Variants in CAPN5 observed in about 807,000 individuals in gnomAD.
The protein encoded by CAPN5 is calpain-5.
Under a neutral mutation model 73.0 loss-of-function variants are expected in CAPN5, and 54 were observed. The observed-to-expected ratio is 0.74, with a 90% confidence interval of 0.59 to 0.93. The LOEUF is 0.93. CAPN5 is among the 40% of genes least tolerant of loss of function. CAPN5 has a pLI of 0.00. For synonymous variants in CAPN5, 335 were observed against 356.9 expected, an observed-to-expected ratio of 0.94 and a Z score of 0.69; for missense variants, 785 against 882.9, an observed-to-expected ratio of 0.89 and a Z score of 1.41.
intron 5 of CAPN5, 78 bp downstream of exon 5, chr11:77,114,512 C>T: frequency 7.5e-7 from 1 of 1,339,498 alleles, no homozygotes; most frequent in Non-Finnish European, 1.1e-6. Flanking sequence ...CTGTGACATC[C>T]CACGCTCAGG....
chr11:77,125,018 G>C lies in CAPN5; in HGVS notation c.*1148G>C, dbSNP rs1228901429. On this transcript the variant is annotated 3_prime_UTR_variant, in exon 13 of 13. Coordinates refer to ENST00000648180, the MANE Select transcript of CAPN5 (RefSeq NM_004055.5). Reference sequence around the variant, plus strand: ...TTGAAAATCTCAATTTTAATCAGGGGTTTTAAAAGAAAATTGAAAGCCTGA... The same window carrying C: ...TTGAAAATCTCAATTTTAATCAGGGCTTTTAAAAGAAAATTGAAAGCCTGA... 6.6e-6 allele frequency: 1 copy of C among 152,196 alleles called. No homozygotes were observed. The highest frequency in any genetic ancestry group is 1.5e-5 in the Non-Finnish European group (1 of 68,022). 9.4% of individuals were successfully genotyped at this position (152,196 alleles called of 1,614,324 possible). A position where few individuals can be genotyped will look rare whatever the true frequency, so the allele number is the denominator to read the frequency against.
chr11:77,095,138 G>T (rs1008291837), intron 3 of CAPN5, among the ~76,000 whole-genome samples: 1 of 152,214 alleles, frequency 6.6e-6, no homozygotes, highest in African/African-American at 2.4e-5. Context: ...GTGGATGTGG[G>T]TATTCGAGGG....
At chr11:77,118,438 T>G in intron 8 of CAPN5, 86 bp downstream of exon 8, 2 of 1,182,100 alleles carry the variant, frequency 1.7e-6, no homozygotes, top group Admixed American at 2.3e-5. Flanking sequence ...CTGCATGACC[T>G]TGGGTAATCC....
At chr11:77,120,965 C>T (rs2276031) in intron 10 of CAPN5, 56 bp downstream of exon 10, 129,613 of 1,511,118 alleles carry the variant, frequency 0.086, 7,646 homozygotes, top group African/African-American at 0.26. Flanking sequence ...CACACTGGGC[C>T]AACCAGGAAC....
intron 3 of CAPN5, among the ~76,000 whole-genome samples, chr11:77,101,039 C>G (rs1306417339): frequency 6.6e-6 from 1 of 152,250 alleles, no homozygotes. Flanking sequence ...GTACTGTCTC[C>G]CCACCTGCCC....
At chr11:77,089,083 T>C (rs1251344348) in intron 2 of CAPN5, among the ~76,000 whole-genome samples, 1 of 152,108 alleles carries the variant, frequency 6.6e-6, no homozygotes, top group Non-Finnish European at 1.5e-5. Context: ...AGCCTAGAAG[T>C]GGGCAAAGTC....
At chr11:77,094,744 G>A (rs1395808602) in intron 3 of CAPN5, among the ~76,000 whole-genome samples, 3 of 152,234 alleles carry the variant, frequency 2.0e-5, no homozygotes, top group African/African-American at 7.2e-5. Context: ...GACAATCGGA[G>A]TAGCTGTCTC....
chr11:77,083,728 G>T (rs1431917220), intron 1 of CAPN5, among the ~76,000 whole-genome samples: 1 of 152,182 alleles, frequency 6.6e-6, no homozygotes. Context: ...ACTCCTTCCA[G>T]GAGGTGCAGC....
intron 2 of CAPN5, 30 bp from the exon 3 acceptor site, chr11:77,093,652 C>T (rs781882950): frequency 6.5e-6 from 10 of 1,545,918 alleles, no homozygotes; most frequent in African/African-American, 4.1e-5. Context: ...CTCCTCCGCC[C>T]CTCACGCTCT....
chr11:77,078,057 T>G (rs1949991596), intron 1 of CAPN5, among the ~76,000 whole-genome samples: 1 of 152,208 alleles, frequency 6.6e-6, no homozygotes, highest in Non-Finnish European at 1.5e-5. Flanking sequence ...GTGCAGAAAC[T>G]TTTTTAGCTT....
At chr11:77,093,934 A>T (rs1315961942) in intron 3 of CAPN5, 121 bp downstream of exon 3, 4 of 1,421,246 alleles carry the variant, frequency 2.8e-6, no homozygotes, top group Non-Finnish European at 2.8e-6. Flanking sequence ...TGTGCCAGGG[A>T]TGGGGTGGGG....
intron 1 of CAPN5, among the ~76,000 whole-genome samples, chr11:77,069,843 AC>A (rs1337679801): frequency 2.0e-5 from 3 of 152,134 alleles, no homozygotes; most frequent in Admixed American, 6.5e-5. Context: ...TCCTGGGCTC[AC>A]CGTGGTCCTG....
At chr11:77,073,428 G>GCACC in intron 1 of CAPN5, among the ~76,000 whole-genome samples, 1 of 152,302 alleles carries the variant, frequency 6.6e-6, no homozygotes, top group Middle Eastern at 3.4e-3. Context: ...ACTCCCTCCT[G>GCACC]CTCACAGCAC....
Position 77,112,751 on chromosome 11 carries a change from T to C in CAPN5, c.460T>C (p.Ser154Pro). The change falls in exon 4 of 13, where the codon TCC (serine) becomes CCC (proline). Residue 154 changes from serine (S) to proline (P), a missense_variant. By Grantham distance (74) the Ser-to-Pro change is moderately conservative. Transcript: ENST00000648180. ...CCAGCTCATCTACTGCCACTCCAACTCCCGCAATGAGTTTTGGTGCGCCCT... is the reference window on the plus strand; with the variant it reads ...CCAGCTCATCTACTGCCACTCCAACCCCCGCAATGAGTTTTGGTGCGCCCT... ...NNQLIYCHSNSRNEFWCALVE... is the reference protein window; with the variant it reads ...NNQLIYCHSNPRNEFWCALVE... The C allele has an allele frequency of 1.9e-6, 3 of 1,614,198 alleles. No individual in the cohort carries two copies. Among genetic ancestry groups the C allele is most frequent in the Non-Finnish European group, 1.7e-6 (2 of 1,180,046 alleles).
intron 2 of CAPN5, among the ~76,000 whole-genome samples, chr11:77,089,812 T>G (rs1950130471): frequency 6.6e-6 from 1 of 152,100 alleles, no homozygotes; most frequent in African/African-American, 2.4e-5. Flanking sequence ...AGGCGAAGGT[T>G]GCAGTGAGCC....
At chr11:77,086,161 G>A (rs764675450) in intron 2 of CAPN5, among the ~76,000 whole-genome samples, 29 of 152,192 alleles carry the variant, frequency 1.9e-4, no homozygotes, top group Non-Finnish European at 3.5e-4. Context: ...GTGAGGTCCC[G>A]CGAAGGCAAA....
In CAPN5 at chr11:77,080,001, T is replaced by A. The variant is rs564358110; in HGVS notation, c.-35-4851T>A. ...TTATTGTTTTACCTTTCAGTTAGAT[T>A]TGAAATCTATCTGGAATAAGTTTTG... On this transcript the variant is annotated intron_variant, in intron 1 of 12. Transcript: ENST00000648180. Among the ~76,000 whole-genome samples, 4 of 152,348 alleles carry A rather than the reference T, an allele frequency of 2.6e-5. No homozygotes were observed. The South Asian group carries it at 8.3e-4, about 32-fold the overall frequency.
In CAPN5 at chr11:77,093,164, C is replaced by T. The variant is rs79225060; in HGVS notation, c.166-518C>T. Among the ~76,000 whole-genome samples the T allele has an allele frequency of 2.8e-4, 42 of 152,314 alleles. 1 individual carries two copies. In the East Asian group the frequency reaches 4.6e-3, roughly 17 times the overall value. ...GAGATTATGCGAGGCAAGTGCCATG[C>T]GGGGCCTGGCCCACCGCTCCCCACT... On this transcript the variant is annotated intron_variant, in intron 2 of 12. Coordinates refer to ENST00000648180, the MANE Select transcript of CAPN5 (RefSeq NM_004055.5).
At chr11:77,088,058 C>A in intron 2 of CAPN5, 1 of 1,532,016 alleles carries the variant, frequency 6.5e-7, no homozygotes, top group Admixed American at 2.0e-5. Flanking sequence ...GGGCCCGGGA[C>A]CTGGTAGGCG....
Sources: allele counts gnomAD v4.1 joint callset (sites outside exome capture counted in the v4.1 genomes callset), GRCh38; gene constraint gnomAD v4.1.1; transcripts MANE v1.5; gene names NCBI Gene and HGNC (gene_info 2026-07-23, HGNC 2026-07-21).